The following PDE8A variants were observed in gnomAD, a reference collection of about 807,000 sequenced individuals.
PDE8A encodes the protein high affinity cAMP-specific and IBMX-insensitive 3',5'-cyclic phosphodiesterase 8A.
PDE8A carries 59 observed loss-of-function variants against 105.0 expected under a neutral mutation model. The observed-to-expected ratio is 0.56, with a 90% CI of 0.46 to 0.70. The LOEUF (loss-of-function observed/expected upper bound fraction) is 0.70. Among genes scored for constraint, PDE8A ranks in the 30% least tolerant of loss-of-function variants. The pLI, the probability that PDE8A is intolerant of heterozygous loss-of-function variation, is 0.00. For synonymous variants in PDE8A, 355 were observed against 371.9 expected, an observed-to-expected ratio of 0.95 and a Z score of 0.52; for missense variants, 1,014 against 1,045.9, an observed-to-expected ratio of 0.97 and a Z score of 0.42.
chr15:85,064,944 C>T (rs2081198861), intron 2 of PDE8A, among the ~76,000 whole-genome samples: 1 of 151,726 alleles, frequency 6.6e-6, no homozygotes, highest in African/African-American at 2.4e-5. Context: ...TGCACTGCAG[C>T]CTGGGCAACA....
intron 1 of PDE8A, among the ~76,000 whole-genome samples, chr15:85,029,836 C>CT (rs2080582240): frequency 6.6e-6 from 1 of 152,146 alleles, no homozygotes; most frequent in Non-Finnish European, 1.5e-5. Flanking sequence ...CATAAGAAGT[C>CT]TAGAGTCTGG....
chr15:85,060,720 C>T (rs1334831596), intron 1 of PDE8A, among the ~76,000 whole-genome samples: 1 of 152,064 alleles, frequency 6.6e-6, no homozygotes, highest in African/African-American at 2.4e-5. Context: ...AATGTAGTTA[C>T]CCACAAAAGT....
chr15:85,122,721 C>T (rs186288307), intron 18 of PDE8A, among the ~76,000 whole-genome samples: 17 of 152,336 alleles, frequency 1.1e-4, no homozygotes, highest in Admixed American at 1.1e-3. Context: ...GATCGGTCCT[C>T]ACATTCTATG....
intron 1 of PDE8A, among the ~76,000 whole-genome samples, chr15:85,029,256 T>A (rs183345984): frequency 6.6e-6 from 1 of 152,310 alleles, no homozygotes; most frequent in Non-Finnish European, 1.5e-5. Flanking sequence ...AAGCCAGGAC[T>A]ATTTTTTTAA....
In PDE8A at chr15:85,135,566, T is replaced by C. The variant is rs111264910; in HGVS notation, c.2254-968T>C. ...TTCTCATCCTGCCCCACTGTTTGAC[T>C]TGACTCCCAGCACAGGCGCCCTGGC... On this transcript the variant is annotated intron_variant, in intron 20 of 21. Transcript: ENST00000394553. Among the ~76,000 whole-genome samples, 441 of 152,124 alleles carry C rather than the reference T, an allele frequency of 2.9e-3. 3 individuals carry two copies. The highest frequency in any genetic ancestry group is 0.01 in the African/African-American group (423 of 41,490).
In PDE8A at chr15:85,037,009, TAGAG is replaced by T. The variant is rs2080718116; in HGVS notation, c.187-27356_187-27353del. On this transcript the variant is annotated intron_variant, in intron 1 of 21. Coordinates refer to ENST00000394553, the MANE Select transcript of PDE8A (RefSeq NM_002605.3). ...CTGCCCCTGCAACTGGTCCTGCTAT[TAGAG>T]AGAGGTCTTTTCTTCAAATGAAGGT... Among the ~76,000 whole-genome samples, 5 of 151,712 alleles carry T rather than the reference TAGAG, an allele frequency of 3.3e-5. No individual in the cohort carries two copies. The South Asian group carries it at 1.0e-3, about 32-fold the overall frequency.
rs757587327 is a variant in PDE8A, at chr15:85,083,558, G to T, written c.549G>T (p.Arg183Ser). 2.5e-6 allele frequency: 4 copies of T among 1,597,162 alleles called. No individual in the cohort carries two copies. Among genetic ancestry groups the T allele is most frequent in the Non-Finnish European group, 3.4e-6 (4 of 1,164,602 alleles). Residue 183 changes from arginine to serine, a missense_variant and splice_region_variant, in exon 6 of 22, where the codon AGG becomes AGT. Coordinates refer to ENST00000394553, the MANE Select transcript of PDE8A (RefSeq NM_002605.3). ...AAAATTCCTCTTTCTGTTTGTAGAG[G>T]TATGTAGAAAACCCCAACATCATGG... is the stretch of plus-strand genomic sequence containing the variant. ...MPFISAGFTR[R>S]YVENPNIMAC...
intron 1 of PDE8A, among the ~76,000 whole-genome samples, chr15:84,996,910 G>A (rs531358606): frequency 1.2e-3 from 186 of 150,384 alleles, no homozygotes; most frequent in African/African-American, 4.4e-3. Flanking sequence ...GGAAGCTGCT[G>A]AGTGAGTCAG....
intron 1 of PDE8A, among the ~76,000 whole-genome samples, chr15:85,059,040 G>C (rs993258950): frequency 1.3e-5 from 2 of 152,038 alleles, no homozygotes; most frequent in African/African-American, 4.8e-5. Flanking sequence ...CCCTTAGCCT[G>C]TTTTTGCTGC....
intron 1 of PDE8A, chr15:85,063,570 A>G (rs991903243): frequency 1.3e-5 from 2 of 152,228 alleles, no homozygotes; most frequent in African/African-American, 4.8e-5. Context: ...AGCACAGTGT[A>G]TGGAGCTAAA....
chr15:85,121,585 C>A (rs1454840973), intron 18 of PDE8A, among the ~76,000 whole-genome samples: 1 of 151,990 alleles, frequency 6.6e-6, no homozygotes, highest in East Asian at 1.9e-4. Flanking sequence ...CCCTCGGTGC[C>A]CTCAGTGCCA....
rs755446076 is a variant in PDE8A at position 85,089,405 on chromosome 15, C to T, written c.703C>T (p.Arg235Cys). The T allele has an allele frequency of 1.9e-5, 30 of 1,569,502 alleles. No individual in the cohort carries two copies. Among genetic ancestry groups the T allele is most frequent in the African/African-American group, 9.5e-5 (7 of 73,922 alleles). The change falls in exon 7 of 22, where the codon CGT becomes TGT. Residue 235 changes from arginine to cysteine, a missense_variant. Coordinates refer to ENST00000394553, the MANE Select transcript of PDE8A (RefSeq NM_002605.3). ...TGCAATTGAAATTACAAGCGAAGAC[C>T]GTTTTATACAGGTTTGTTATTTTGG... ...EDAIEITSEDRFIQYANPAFE... is the reference protein window; with the variant it reads ...EDAIEITSEDCFIQYANPAFE...
intron 20 of PDE8A, 128 bp downstream of exon 20, chr15:85,126,502 A>G: frequency 1.7e-6 from 1 of 591,600 alleles, no homozygotes; most frequent in South Asian, 6.4e-5. Flanking sequence ...TTGCAAGGTA[A>G]CAAATGGTAA....
At chr15:85,072,911 G>A (rs1359191811) in intron 3 of PDE8A, among the ~76,000 whole-genome samples, 1 of 152,064 alleles carries the variant, frequency 6.6e-6, no homozygotes, top group Non-Finnish European at 1.5e-5. Context: ...CCAGGAGTTC[G>A]AGACCAGCTT....
At chr15:84,993,368 A>G (rs370583230) in intron 1 of PDE8A, among the ~76,000 whole-genome samples, 58 of 146,664 alleles carry the variant, frequency 4.0e-4, no homozygotes, top group African/African-American at 1.1e-3. Context: ...GCATGAACCC[A>G]GGAGGCAGAG....
In PDE8A at chr15:85,009,110, AGTGTGTGTGT is replaced by A. The variant is rs56313426; in HGVS notation, c.186+26788_186+26797del. On this transcript the variant is annotated intron_variant, in intron 1 of 21. Coordinates refer to ENST00000394553, the MANE Select transcript of PDE8A (RefSeq NM_002605.3). ...GTGTGTGAGAGAGAGAGAGAGAGAG[AGTGTGTGTGT>A]GTGTGTGTGTGTGTGTGTGTGTGTG... is the stretch of plus-strand genomic sequence containing the variant. 2.5e-4 allele frequency among the ~76,000 whole-genome samples: 16 copies of A among 64,196 alleles called. No individual in the cohort carries two copies. In the East Asian group the frequency reaches 3.4e-3, roughly 14 times the overall value. 42.1% of individuals were successfully genotyped at this position (64,196 alleles called of 152,430 possible).
intron 1 of PDE8A, among the ~76,000 whole-genome samples, chr15:85,016,789 A>G (rs1205186128): frequency 6.6e-6 from 1 of 152,222 alleles, no homozygotes; most frequent in African/African-American, 2.4e-5. Flanking sequence ...ATACAAGAAC[A>G]TGGTATGTCT....
In PDE8A at chr15:85,113,429, T is replaced by C; in HGVS notation, c.1167T>C (p.Ile389=). 1 of 1,614,024 alleles carries C rather than the reference T, an allele frequency of 6.2e-7. No individual in the cohort carries two copies. Among genetic ancestry groups the C allele is most frequent in the South Asian group, 1.1e-5 (1 of 91,080 alleles). The part of the protein sequence containing the change: ...SSMARIHSMT[I]EAPITKVINI... ...TGGCCCGGATACATTCCATGACAAT[T>C]GAGGCGCCCATCACCAAGGTGAAGC... Residue 389 remains isoleucine (I), a synonymous_variant, in exon 13 of 22, where the codon ATT becomes ATC. Transcript: ENST00000394553.
chr15:85,020,709 A>G (rs2080411073), intron 1 of PDE8A, among the ~76,000 whole-genome samples: 1 of 152,198 alleles, frequency 6.6e-6, no homozygotes, highest in Non-Finnish European at 1.5e-5. Flanking sequence ...CTCTACCCAG[A>G]TTGCCCAAAT....
Sources: allele counts gnomAD v4.1 joint callset (sites outside exome capture counted in the v4.1 genomes callset), GRCh38; gene constraint gnomAD v4.1.1; transcripts MANE v1.5; gene names NCBI Gene and HGNC (gene_info 2026-07-23, HGNC 2026-07-21).